Variants in ATP8B4 observed in about 807,000 individuals in gnomAD.
The protein encoded by ATP8B4 is ATPase phospholipid transporting 8B4 (putative).
ATP8B4 carries 133 observed loss-of-function variants against 145.6 expected under a neutral mutation model. The ratio of observed to expected loss-of-function variants is 0.91; its 90% confidence interval spans 0.79 to 1.05. The LOEUF is 1.05. Among genes scored for constraint, ATP8B4 ranks in the 50% least tolerant of loss-of-function variants. ATP8B4 has a pLI of 0.00. For missense variants in ATP8B4, 1,458 were observed against 1,425.2 expected (o/e 1.02, Z -0.37); for synonymous variants, 507 against 492.9 (o/e 1.03, Z -0.38).
intron 3 of ATP8B4, among the ~76,000 whole-genome samples, chr15:50,048,463 T>G (rs1231006540): frequency 1.3e-5 from 2 of 151,958 alleles, no homozygotes; most frequent in East Asian, 3.9e-4. Flanking sequence ...ATCCCAGCAT[T>G]TTGGGAGGCA....
At chr15:49,925,913 A>G (rs1599182010) in intron 16 of ATP8B4, among the ~76,000 whole-genome samples, 1 of 152,324 alleles carries the variant, frequency 6.6e-6, no homozygotes, top group East Asian at 1.9e-4. Context: ...TAAAAAGGAC[A>G]TAGTTTTAAA....
At chr15:50,015,219 A>C (rs2899446) in intron 6 of ATP8B4, among the ~76,000 whole-genome samples, 1 of 152,058 alleles carries the variant, frequency 6.6e-6, no homozygotes, top group East Asian at 1.9e-4. Flanking sequence ...GATACACAAG[A>C]AACTACTGTG....
At chr15:50,146,679 C>T (rs935450250) in intron 1 of ATP8B4, among the ~76,000 whole-genome samples, 10 of 152,260 alleles carry the variant, frequency 6.6e-5, no homozygotes, top group East Asian at 3.9e-4. Flanking sequence ...GGTCCTTTTC[C>T]GTCCCATGGT....
In ATP8B4 at chr15:49,940,342, C is replaced by T. The variant is rs145151077; in HGVS notation, c.1288-6160G>A. Among the ~76,000 whole-genome samples the T allele has an allele frequency of 8.6e-4, 131 of 152,234 alleles. 1 individual carries two copies. Among genetic ancestry groups the T allele is most frequent in the African/African-American group, 3.0e-3 (125 of 41,544 alleles). On this transcript the variant is annotated intron_variant, in intron 14 of 27. Transcript: ENST00000284509. ...TTCTCATTTATAAGTGGGAGCTAAACATTGGGTACACATAGTCATAAAGGT... is the reference window on the plus strand; with the variant it reads ...TTCTCATTTATAAGTGGGAGCTAAATATTGGGTACACATAGTCATAAAGGT...
At chr15:50,016,180 C>T (rs963073036) in intron 6 of ATP8B4, among the ~76,000 whole-genome samples, 4 of 152,196 alleles carry the variant, frequency 2.6e-5, no homozygotes, top group African/African-American at 7.2e-5. Context: ...GAATGTTTTA[C>T]AGGAAATGTA....
intron 17 of ATP8B4, among the ~76,000 whole-genome samples, chr15:49,920,654 G>A (rs577240553): frequency 6.6e-6 from 1 of 152,304 alleles, no homozygotes; most frequent in Admixed American, 6.5e-5. Flanking sequence ...AAACACAGCT[G>A]AAAAGCCTGC....
intron 13 of ATP8B4, among the ~76,000 whole-genome samples, chr15:49,971,128 G>T (rs1409328562): frequency 1.3e-5 from 2 of 152,138 alleles, no homozygotes; most frequent in Non-Finnish European, 2.9e-5. Context: ...ACTCAAGATG[G>T]ACTAAAAAGT....
chr15:50,100,374 C>A (rs1309370712), intron 2 of ATP8B4, among the ~76,000 whole-genome samples: 1 of 152,142 alleles, frequency 6.6e-6, no homozygotes, highest in Non-Finnish European at 1.5e-5. Context: ...CACTTGTAGG[C>A]AAATATACCA....
chr15:49,948,353 GC>G (rs375954648), intron 14 of ATP8B4, among the ~76,000 whole-genome samples: 12 of 152,188 alleles, frequency 7.9e-5, no homozygotes, highest in African/African-American at 2.9e-4. Context: ...GGAGGCTGAG[GC>G]AGGAGAATTG....
At chr15:50,121,913 T>C (rs2057274455), upstream of ATP8B4, among the ~76,000 whole-genome samples, 1 of 152,156 alleles carries the variant, frequency 6.6e-6, no homozygotes, top group Admixed American at 6.6e-5. Flanking sequence ...GGAATTTTAA[T>C]TAAGTATCTG....
chr15:50,031,640 C>A (rs1470447318), intron 6 of ATP8B4, among the ~76,000 whole-genome samples: 1 of 152,128 alleles, frequency 6.6e-6, no homozygotes, highest in East Asian at 1.9e-4. Context: ...TTCACACTTA[C>A]CCAAGACTGA....
At chr15:50,167,796 T>G (rs1008698707) in intron 1 of ATP8B4, among the ~76,000 whole-genome samples, 7 of 152,224 alleles carry the variant, frequency 4.6e-5, no homozygotes, top group Non-Finnish European at 7.3e-5. Flanking sequence ...AAAATGGGAA[T>G]AATGTTTGTC....
intron 4 of ATP8B4, among the ~76,000 whole-genome samples, chr15:50,046,358 C>G (rs1340320009): frequency 6.6e-6 from 1 of 151,992 alleles, no homozygotes; most frequent in Non-Finnish European, 1.5e-5. Flanking sequence ...TCAGGGCCAC[C>G]AAGTAGAGGG....
intron 2 of ATP8B4, among the ~76,000 whole-genome samples, chr15:50,106,152 C>T (rs941649731): frequency 3.9e-5 from 6 of 152,004 alleles, no homozygotes; most frequent in East Asian, 1.9e-4. Context: ...CTATCAGGGA[C>T]GATATTGGAA....
intron 14 of ATP8B4, among the ~76,000 whole-genome samples, chr15:49,950,610 ACAAAC>A (rs1567059495): frequency 2.5e-5 from 2 of 78,656 alleles, no homozygotes; most frequent in African/African-American, 8.5e-5. Flanking sequence ...AAACAAACAA[ACAAAC>A]AAACAAAAAA....
chr15:50,010,799 C>T (rs967093828), intron 7 of ATP8B4, 46 bp downstream of exon 7: 2 of 1,264,110 alleles, frequency 1.6e-6, no homozygotes, highest in Non-Finnish European at 2.2e-6. Context: ...CATATATATG[C>T]TACTTTAATC....
intron 1 of ATP8B4, among the ~76,000 whole-genome samples, chr15:50,173,477 A>C (rs150082866): frequency 0.077 from 11,701 of 151,938 alleles, 540 homozygotes; most frequent in African/African-American, 0.11. Context: ...TGCTTTGTTA[A>C]ACAGACGCTT....
chr15:49,988,067 T>G (rs928508540), intron 9 of ATP8B4, among the ~76,000 whole-genome samples: 4 of 152,198 alleles, frequency 2.6e-5, no homozygotes, highest in Non-Finnish European at 4.4e-5. Flanking sequence ...GTTTGCCACA[T>G]GAGTCTGAGA....
chr15:49,983,811 T>C (rs191639022), intron 10 of ATP8B4, among the ~76,000 whole-genome samples: 1 of 152,190 alleles, frequency 6.6e-6, no homozygotes, highest in Non-Finnish European at 1.5e-5. Context: ...TCCATCCCTA[T>C]CCTCTGTGCT....
Sources: gnomAD v4.1 joint callset for allele counts (sites outside exome capture counted in the v4.1 genomes callset) on GRCh38, gnomAD v4.1.1 for gene constraint, MANE v1.5 for transcripts, NCBI Gene and HGNC (gene_info 2026-07-23, HGNC 2026-07-21) for gene names.